LY75: variants seen among roughly 807,000 people sequenced by gnomAD.
LY75 encodes C-type lectin domain family 13 member B.
LY75 carries 185 observed loss-of-function variants against 231.7 expected under a neutral mutation model. That is an observed-to-expected ratio of 0.80 (90% confidence interval 0.71 to 0.90). The LOEUF (loss-of-function observed/expected upper bound fraction) is 0.90, where lower values mean the gene tolerates loss of function less well. LY75 is among the 40% of genes least tolerant of loss of function. The pLI is 0.00. For missense variants in LY75, 1,947 were observed against 2,050.2 expected (o/e 0.95, Z 0.97); for synonymous variants, 668 against 689.0 (o/e 0.97, Z 0.48).
Position 159,893,902 on chromosome 2 carries a change from G to A in LY75, c.637+12C>T, listed in dbSNP as rs1685832205. The A allele has an allele frequency of 4.4e-6, 7 of 1,599,728 alleles. No homozygotes were observed. In the African/African-American group the frequency reaches 8.1e-5, roughly 18 times the overall value. On this transcript the variant is annotated intron_variant, in intron 3 of 34. Coordinates refer to ENST00000263636, the MANE Select transcript of LY75 (RefSeq NM_002349.4). ...CTACCTTTCCACATAAAATTTACCA[G>A]CCCATACATACCAGGCTTTAAGCAG...
In LY75 at chr2:159,875,445, T is replaced by C; in HGVS notation, c.1973A>G (p.Lys658Arg). The C allele has an allele frequency of 6.2e-7, 1 of 1,612,756 alleles. No homozygotes were observed. The highest frequency in any genetic ancestry group is 1.1e-5 in the South Asian group (1 of 90,898). ...GATAGAATGAGAATGTCACTTTACC[T>C]TATAACAAGAAAGACTTGCGGGGAA... is the stretch of plus-strand genomic sequence containing the variant. ...QSFPASLSCYKVFHAERIVRK... is the reference protein window; with the variant it reads ...QSFPASLSCYRVFHAERIVRK... The change falls in exon 12 of 35, where the codon AAG becomes AGG. Residue 658 changes from lysine (K) to arginine (R), a missense_variant and splice_region_variant. By Grantham distance (26) the Lys-to-Arg change is conservative (BLOSUM62 2). Coordinates refer to ENST00000263636, the MANE Select transcript of LY75 (RefSeq NM_002349.4).
At chr2:159,838,674 A>G (rs1435116822) in intron 25 of LY75, among the ~76,000 whole-genome samples, 2 of 152,324 alleles carry the variant, frequency 1.3e-5, no homozygotes, top group Non-Finnish European at 2.9e-5. Context: ...GTTTCACAGA[A>G]TTTCCAATGC....
At position 159,821,631 on chromosome 2, in the gene LY75, AAGAAAAG is replaced by A. The variant is rs562191977; in HGVS notation, c.3959-1718_3959-1712del. On this transcript the variant is annotated intron_variant, in intron 28 of 34. Coordinates refer to ENST00000263636, the MANE Select transcript of LY75 (RefSeq NM_002349.4). Reference sequence around the variant, plus strand: ...CAAAAGTCTGTCTCAAAAAAAAAAAAAGAAAAGAAAAGAAAGAAAACATAGGAGTAAG... The same window carrying A: ...CAAAAGTCTGTCTCAAAAAAAAAAAAAAAAGAAAGAAAACATAGGAGTAAG... Among the ~76,000 whole-genome samples, 2,766 of 64,188 alleles carry A rather than the reference AAGAAAAG, an allele frequency of 0.043. 210 individuals are homozygous for A. In the East Asian group the frequency reaches 0.49, roughly 11 times the overall value. The allele number at this position is 64,188 out of a possible 152,430, so 42.1% of individuals were successfully genotyped here.
chr2:159,861,702 T>C (rs1390484268), intron 14 of LY75, among the ~76,000 whole-genome samples: 1 of 152,220 alleles, frequency 6.6e-6, no homozygotes, highest in Admixed American at 6.5e-5. Context: ...GGCACCACTG[T>C]ATTCTAGCCT....
At chr2:159,817,416 G>A (rs997225481) in intron 29 of LY75, among the ~76,000 whole-genome samples, 16 of 152,192 alleles carry the variant, frequency 1.1e-4, no homozygotes, top group Admixed American at 1.0e-3. Context: ...GTGAAATTAA[G>A]ACTAAAAAGA....
intron 3 of LY75, among the ~76,000 whole-genome samples, chr2:159,893,187 T>C (rs1685809960): frequency 1.3e-5 from 2 of 152,292 alleles, no homozygotes; most frequent in Admixed American, 1.3e-4. Context: ...AACAGGCCAG[T>C]TTCAATCTTT....
At chr2:159,810,503 A>G in intron 32 of LY75, 23 bp downstream of exon 32, 1 of 1,602,700 alleles carries the variant, frequency 6.2e-7, no homozygotes, top group Non-Finnish European at 8.5e-7. Context: ...GAGTCATAAG[A>G]AAATCAACAA....
In LY75 at chr2:159,808,554, C is replaced by T. The variant is rs1291820587; in HGVS notation, c.4717G>A (p.Val1573Ile). The T allele has an allele frequency of 1.2e-5, 20 of 1,613,314 alleles. No homozygotes were observed. The highest frequency in any genetic ancestry group is 2.2e-5 in the East Asian group (1 of 44,816). Residue 1573 changes from valine (V) to isoleucine (I), a missense_variant, in exon 33 of 35, where the codon GTT becomes ATT. Transcript: ENST00000263636. ...CSKHDHSATI[V>I]SIKDEDENKF... ...TTCTCATCTTCATCTTTTATGGAAA[C>T]GATAGTTGCAGAGTGATCTGTTGAA...
intron 16 of LY75, 28 bp downstream of exon 16, chr2:159,858,334 G>A: frequency 6.2e-7 from 1 of 1,607,822 alleles, no homozygotes; most frequent in Non-Finnish European, 8.5e-7. Context: ...ACATGAGAAG[G>A]TTGTGAAAAG....
chr2:159,838,681 A>G (rs372833907), intron 25 of LY75, among the ~76,000 whole-genome samples: 4 of 152,212 alleles, frequency 2.6e-5, no homozygotes, highest in Non-Finnish European at 4.4e-5. Context: ...AGAATTTCCA[A>G]TGCTGAAGAT....
At chr2:159,878,521 T>G in intron 10 of LY75, 28 bp from the exon 11 acceptor site, 2 of 1,613,094 alleles carry the variant, frequency 1.2e-6, no homozygotes, top group South Asian at 2.2e-5. Flanking sequence ...AATTGGCAAG[T>G]GTTTCACAAT....
rs768151963 is a variant in LY75, at chr2:159,850,135, T to C, written c.2995A>G (p.Ile999Val). ...TCCATATCCGGAAGCAAGGATGTAA[T>C]AAAGTCTGTTAGAAAGAGATTTTTA... ...SVLSQIEQDF[I>V]TSLLPDMEAT... is the part of the protein sequence containing the mutation. Residue 999 changes from isoleucine to valine, a missense_variant, in exon 23 of 35, where the codon ATT becomes GTT. Ile to Val is a conservative substitution (Grantham distance 29). Transcript: ENST00000263636. 6 of 1,603,540 alleles carry C rather than the reference T, an allele frequency of 3.7e-6. 1 individual carries two copies. The highest frequency in any genetic ancestry group is 5.1e-6 in the Non-Finnish European group (6 of 1,177,578).
rs2125867924 is a variant in LY75, at chr2:159,872,604, TATA to T, written c.1975-14_1975-12del. Reference sequence around the variant, plus strand: ...TTCTGCATGGAATACCTTAGCAAAATATAATATTAATTTGTTTTATGGTATTAT... The same window carrying T: ...TTCTGCATGGAATACCTTAGCAAAATATATTAATTTGTTTTATGGTATTAT... On this transcript the variant is annotated splice_polypyrimidine_tract_variant and intron_variant, in intron 12 of 34. Transcript: ENST00000263636. 9.3e-6 allele frequency: 15 copies of T among 1,606,646 alleles called. No homozygotes were observed. Among genetic ancestry groups the T allele is most frequent in the Non-Finnish European group, 1.2e-5 (14 of 1,177,626 alleles).
chr2:159,884,338 A>G (rs1198995146), intron 6 of LY75, among the ~76,000 whole-genome samples: 2 of 152,138 alleles, frequency 1.3e-5, no homozygotes, highest in African/African-American at 4.8e-5. Flanking sequence ...TTTGGTGAGG[A>G]TGTAATTAAA....
intron 1 of LY75, 115 bp downstream of exon 1, chr2:159,904,474 C>G: frequency 8.3e-7 from 1 of 1,199,130 alleles, no homozygotes; most frequent in Non-Finnish European, 1.1e-6. Context: ...CCCGCCCCAA[C>G]AGCAAAGCAG....
At chr2:159,849,955 A>G (rs1265082420) in intron 23 of LY75, 25 bp downstream of exon 23, 1 of 1,605,700 alleles carries the variant, frequency 6.2e-7, no homozygotes, top group African/African-American at 1.3e-5. Flanking sequence ...AGGTATGAAG[A>G]GTATTGGTTT....
intron 24 of LY75, 137 bp from the exon 25 acceptor site, chr2:159,841,092 G>C: frequency 1.5e-6 from 2 of 1,351,666 alleles, no homozygotes; most frequent in South Asian, 1.5e-5. Context: ...TTTTGGGTGA[G>C]AGAATTAGGT....
chr2:159,815,916 T>G (rs1237433849), intron 30 of LY75, among the ~76,000 whole-genome samples: 4 of 152,206 alleles, frequency 2.6e-5, no homozygotes, highest in Non-Finnish European at 5.9e-5. Context: ...AATCCCAACC[T>G]TCATATTGTT....
chr2:159,820,527 G>A (rs1574527373), intron 28 of LY75, among the ~76,000 whole-genome samples: 2 of 152,218 alleles, frequency 1.3e-5, no homozygotes, highest in South Asian at 2.1e-4. Flanking sequence ...CTGGGAACTC[G>A]GGGGGAAGAG....
Sources: gnomAD v4.1 joint callset for allele counts (sites outside exome capture counted in the v4.1 genomes callset) on GRCh38, gnomAD v4.1.1 for gene constraint, MANE v1.5 for transcripts, NCBI Gene and HGNC (gene_info 2026-07-23, HGNC 2026-07-21) for gene names.